The following CTSD variants were observed in gnomAD, a reference collection of about 807,000 sequenced individuals.
CTSD encodes cathepsin D.
A neutral mutation model predicts 43.6 loss-of-function variants in CTSD; 28 were observed. The ratio of observed to expected loss-of-function variants is 0.64; its 90% CI spans 0.48 to 0.88. The LOEUF is 0.88. Ranked by LOEUF, CTSD falls within the 40% of genes least tolerant of loss-of-function variation. The pLI, the probability that CTSD is intolerant of heterozygous loss-of-function variation, is 0.00. For synonymous variants in CTSD, 270 were observed against 249.8 expected, an observed-to-expected ratio of 1.08 and a Z score of -0.76; for missense variants, 485 against 555.2, an observed-to-expected ratio of 0.87 and a Z score of 1.27.
rs143276733 is a variant in CTSD at position 1,753,148 on chromosome 11, C to T, written c.*355G>A. ...TGGGGTAGGGGCTCAGCCCAGCGGG[C>T]GCTGGTAGGGCCGGGGAGGGGACTC... On this transcript the variant is annotated 3_prime_UTR_variant, in exon 9 of 9. Transcript: ENST00000236671. 4.9e-5 allele frequency: 18 copies of T among 365,834 alleles called. No individual in the cohort carries two copies. The highest frequency in any genetic ancestry group is 2.8e-4 in the East Asian group (4 of 14,390). The allele number at this position is 365,834 out of a possible 1,614,324, so 22.7% of individuals were successfully genotyped here. A position where few individuals can be genotyped will look rare whatever the true frequency, so the allele number is the denominator to read the frequency against.
rs188784443 is a variant in CTSD, at chr11:1,756,463, G to A, written c.704+861C>T. Among the ~76,000 whole-genome samples, 4 of 152,320 alleles carry A rather than the reference G, an allele frequency of 2.6e-5. No individual in the cohort carries two copies. The East Asian group carries it at 7.7e-4, about 29-fold the overall frequency. Reference sequence around the variant, plus strand: ...TTCTGCCGGAAGCGATCCAAGGTTAGGGGTCAGGCCCAGAGACTCCAAGTG... The same window carrying A: ...TTCTGCCGGAAGCGATCCAAGGTTAAGGGTCAGGCCCAGAGACTCCAAGTG... On this transcript the variant is annotated intron_variant, in intron 5 of 8. Transcript: ENST00000236671.
chr11:1,761,106 A>G (rs1845870328), intron 2 of CTSD: 2 of 635,966 alleles, frequency 3.1e-6, no homozygotes, highest in South Asian at 3.5e-5. Flanking sequence ...TAGCAGGACC[A>G]AGACCCTGCA....
intron 1 of CTSD, chr11:1,761,674 G>C (rs1374889630): frequency 1.5e-6 from 1 of 648,830 alleles, no homozygotes; most frequent in Non-Finnish European, 2.8e-6. Context: ...AGGTTGCACA[G>C]GCCACAGTCC....
intron 2 of CTSD, chr11:1,760,460 T>C (rs1345678607): frequency 6.6e-6 from 1 of 152,204 alleles, no homozygotes; most frequent in Non-Finnish European, 1.5e-5. Context: ...GCCCAATGTT[T>C]CTCCAACCGC....
rs1048807668 is a variant in CTSD, at chr11:1,763,695, G to A, written c.68+97C>T. 1.0e-5 allele frequency: 12 copies of A among 1,187,890 alleles called. No homozygotes were observed. In the East Asian group the frequency reaches 1.5e-4, roughly 15 times the overall value. 73.6% of individuals were successfully genotyped at this position (1,187,890 alleles called of 1,614,324 possible). On this transcript the variant is annotated intron_variant, in intron 1 of 8. Coordinates refer to ENST00000236671, the MANE Select transcript of CTSD (RefSeq NM_001909.5). ...CCAGCGCGGGGGGCGCAAGGGGCTC[G>A]TGGGGGCCACAGGGGAGCGCGAAAG...
intron 4 of CTSD, among the ~76,000 whole-genome samples, chr11:1,758,612 C>T (rs1444028398): frequency 6.6e-6 from 1 of 152,130 alleles, no homozygotes; most frequent in African/African-American, 2.4e-5. Context: ...CCCAAGCCCT[C>T]GGCCTGCTGC....
Position 1,763,896 on chromosome 11 carries a change from C to A in CTSD, c.-37G>T, listed in dbSNP as rs756112449. On this transcript the variant is annotated 5_prime_UTR_variant, in exon 1 of 9. Transcript: ENST00000236671. ...CCGGGTCGGAGAGGGTCGCCGAGGCCGTGCGCTTATAGCCGGGATGACGCC... is the reference window on the plus strand; with the variant it reads ...CCGGGTCGGAGAGGGTCGCCGAGGCAGTGCGCTTATAGCCGGGATGACGCC... 7 of 1,508,784 alleles carry A rather than the reference C, an allele frequency of 4.6e-6. No individual in the cohort carries two copies. The highest frequency in any genetic ancestry group is 4.3e-5 in the African/African-American group (3 of 69,586). 93.5% of individuals were successfully genotyped at this position (1,508,784 alleles called of 1,614,324 possible).
Position 1,759,705 on chromosome 11 carries a change from G to A in CTSD, c.229-66C>T, listed in dbSNP as rs1845852107. The A allele has an allele frequency of 9.1e-6, 14 of 1,541,764 alleles. No homozygotes were observed. In the East Asian group the frequency reaches 1.4e-4, roughly 15 times the overall value. ...CCCATCTCCCCACTGGGCCTCAGAA[G>A]GCCCGGCTGTCCCCAGAGCCAAGGC... On this transcript the variant is annotated intron_variant, in intron 2 of 8. Transcript: ENST00000236671.
At chr11:1,753,714 G>A (rs756965182) in intron 8 of CTSD, 44 bp from the exon 9 acceptor site, 14 of 1,608,010 alleles carry the variant, frequency 8.7e-6, no homozygotes, top group Admixed American at 8.4e-5. Flanking sequence ...AGCACCACCC[G>A]CCCCCCCACC....
chr11:1,762,824 C>T (rs1158008215), intron 1 of CTSD, among the ~76,000 whole-genome samples: 1 of 152,204 alleles, frequency 6.6e-6, no homozygotes, highest in Non-Finnish European at 1.5e-5. Flanking sequence ...TTAATTGGGG[C>T]TACCCGCCCC....
At chr11:1,754,389 G>GGATGGAGGGGATGGAGGGGCATAGAGT in intron 6 of CTSD, 1 of 568,736 alleles carries the variant, frequency 1.8e-6, no homozygotes, top group South Asian at 2.0e-5. Context: ...GGGCATAGAG[G>GGATGGAGGGGATGGAGGGGCATAGAGT]GATGGAGGGG....
chr11:1,761,626 C>T, intron 1 of CTSD, 158 bp from the exon 2 acceptor site: 1 of 801,280 alleles, frequency 1.2e-6, no homozygotes, highest in East Asian at 2.7e-5. Context: ...TGGCCCAGCT[C>T]CCCCAAGTCA....
chr11:1,760,031 G>A (rs1402649693), intron 2 of CTSD, among the ~76,000 whole-genome samples: 1 of 152,212 alleles, frequency 6.6e-6, no homozygotes, highest in East Asian at 1.9e-4. Context: ...CTGGTGGCCC[G>A]CAGTCCAAGG....
intron 5 of CTSD, among the ~76,000 whole-genome samples, chr11:1,755,513 C>A (rs1226690517): frequency 6.6e-6 from 1 of 152,186 alleles, no homozygotes; most frequent in African/African-American, 2.4e-5. Context: ...CATCCCCGAG[C>A]CACGTCCGCT....
intron 5 of CTSD, among the ~76,000 whole-genome samples, chr11:1,755,578 G>A (rs1206679396): frequency 6.6e-5 from 10 of 152,136 alleles, no homozygotes; most frequent in Non-Finnish European, 4.4e-5. Context: ...CTGGGCAGGA[G>A]CGCACTGCAC....
intron 1 of CTSD, chr11:1,763,438 G>A (rs1845907772): frequency 1.6e-5 from 4 of 254,696 alleles, no homozygotes; most frequent in Admixed American, 5.7e-5. Flanking sequence ...CAACAAGGGC[G>A]CTCAGTACAG....
chr11:1,758,484 G>A (rs1009628611), intron 4 of CTSD, among the ~76,000 whole-genome samples: 23 of 152,096 alleles, frequency 1.5e-4, no homozygotes, highest in African/African-American at 4.6e-4. Flanking sequence ...GGATGCAGGC[G>A]GGGCCCCCAA....
intron 4 of CTSD, 152 bp downstream of exon 4, chr11:1,758,817 G>C (rs565169064): frequency 1.9e-5 from 14 of 745,612 alleles, no homozygotes; most frequent in Admixed American, 8.6e-5. Context: ...CCCATTCCCA[G>C]ACCCCTCCTC....
chr11:1,761,449 T>C lies in CTSD; in HGVS notation c.88A>G (p.Thr30Ala). The stretch of plus-strand genomic sequence containing the variant: ...TCCGACATGGTCCGGCGGATGGACG[T>C]GAACTTGTGCAGCGGGATCCTGTCA... ...ALVRIPLHKF[T>A]SIRRTMSEVG... The change falls in exon 2 of 9, where the codon ACG (threonine) becomes GCG (alanine). Residue 30 changes from threonine to alanine, a missense_variant. Physicochemically the swap from Thr to Ala is moderately conservative, Grantham distance 58. Transcript: ENST00000236671. The C allele has an allele frequency of 6.2e-7, 1 of 1,613,794 alleles. No individual in the cohort carries two copies. The highest frequency in any genetic ancestry group is 8.5e-7 in the Non-Finnish European group (1 of 1,179,992).
Sources: allele counts gnomAD v4.1 joint callset (sites outside exome capture counted in the v4.1 genomes callset), GRCh38; gene constraint gnomAD v4.1.1; transcripts MANE v1.5; gene names NCBI Gene and HGNC (gene_info 2026-07-23, HGNC 2026-07-21).